The following AP1M1 variants were observed in gnomAD, a reference collection of about 807,000 sequenced individuals.
AP1M1 encodes AP-1 complex subunit mu-1.
AP1M1 carries 18 observed loss-of-function variants against 57.1 expected under a neutral mutation model. The ratio of observed to expected loss-of-function variants is 0.32; its 90% CI spans 0.22 to 0.47. The LOEUF is 0.47. AP1M1 is among the 20% of genes least tolerant of loss of function. The pLI is 1.00. For missense variants in AP1M1, 362 were observed against 593.5 expected (o/e 0.61, Z 4.05); for synonymous variants, 241 against 237.9 (o/e 1.01, Z -0.12).
In AP1M1 at chr19:16,197,989, A is replaced by ACCGCCCTCGGCCGCTGCCGCCGCCG. The variant is rs2091430931; in HGVS notation, c.-19_-18insCCGCCGCCGCCCTCGGCCGCTGCCG. The ACCGCCCTCGGCCGCTGCCGCCGCCG allele has an allele frequency of 6.5e-7, 1 of 1,545,512 alleles. No homozygotes were observed. The highest frequency in any genetic ancestry group is 1.2e-5 in the South Asian group (1 of 84,708). The stretch of plus-strand genomic sequence containing the variant: ...AGTCCCCACCGTCGCTGCCGCCGCC[A>ACCGCCCTCGGCCGCTGCCGCCGCCG]CCGCCCTCGGCCGCTGCCGAGGCCT... On this transcript the variant is annotated 5_prime_UTR_variant, in exon 1 of 12. Transcript: ENST00000291439.
intron 1 of AP1M1, among the ~76,000 whole-genome samples, chr19:16,202,366 C>T (rs756827365): frequency 6.6e-6 from 1 of 152,204 alleles, no homozygotes; most frequent in African/African-American, 2.4e-5. Context: ...GCAAAACTTC[C>T]GACCTCCTTT....
At position 16,213,382 on chromosome 19, in the gene AP1M1, G is replaced by C. The variant is rs982817711; in HGVS notation, c.546+4205G>C. 3.3e-5 allele frequency among the ~76,000 whole-genome samples: 5 copies of C among 152,206 alleles called. No homozygotes were observed. The East Asian group carries it at 7.7e-4, about 23-fold the overall frequency. ...TTTGATCTTTGTTGGCTTAAAGTCT[G>C]TTTTGTCTGAAATTAAGATTGCAAC... On this transcript the variant is annotated intron_variant, in intron 5 of 11. Transcript: ENST00000291439.
chr19:16,211,208 C>G (rs1049187145), intron 5 of AP1M1, among the ~76,000 whole-genome samples: 1 of 151,810 alleles, frequency 6.6e-6, no homozygotes, highest in African/African-American at 2.4e-5. Context: ...CTTCTCCAGC[C>G]TCAGCCTCCC....
intron 5 of AP1M1, among the ~76,000 whole-genome samples, chr19:16,211,776 A>G (rs1310440423): frequency 1.3e-5 from 2 of 151,976 alleles, no homozygotes; most frequent in African/African-American, 4.8e-5. Context: ...CAAAACCAAA[A>G]AACTCCAGTT....
In AP1M1 at chr19:16,227,838, G is replaced by A; in HGVS notation, c.816+148G>A. ...TGCAGAGATGGAGTCTGAGGACTTG[G>A]GACTCCGAGCTTTCTGAGGGGCACA... On this transcript the variant is annotated intron_variant, in intron 7 of 11. Transcript: ENST00000291439. The surrounding 1 kb of genome is among the most constrained non-coding windows in gnomAD (Gnocchi z 6.2). 9.0e-7 allele frequency: 1 copy of A among 1,107,368 alleles called. No homozygotes were observed. Among genetic ancestry groups the A allele is most frequent in the Non-Finnish European group, 1.3e-6 (1 of 768,400 alleles). The allele number at this position is 1,107,368 out of a possible 1,614,324, so 68.6% of individuals were successfully genotyped here.
rs1445652064 is a variant in AP1M1, at chr19:16,218,799, C to G, written c.547-7622C>G. On this transcript the variant is annotated intron_variant, in intron 5 of 11. Coordinates refer to ENST00000291439, the MANE Select transcript of AP1M1 (RefSeq NM_032493.4). ...AAGGGACCCAGAGCTTCCTTGCCCT[C>G]TCTGGACACACCACCCTCCAGGAAC... Among the ~76,000 whole-genome samples the G allele has an allele frequency of 5.9e-5, 9 of 152,278 alleles. No individual in the cohort carries two copies. The South Asian group carries it at 6.2e-4, about 11-fold the overall frequency.
At chr19:16,233,746 C>A in intron 10 of AP1M1, 128 bp downstream of exon 10, 1 of 1,280,230 alleles carries the variant, frequency 7.8e-7, no homozygotes. Context: ...CTGTGGGCCT[C>A]TGCCTCCCCA....
intron 5 of AP1M1, among the ~76,000 whole-genome samples, chr19:16,225,891 G>A (rs188512763): frequency 6.6e-6 from 1 of 152,274 alleles, no homozygotes; most frequent in East Asian, 1.9e-4. Flanking sequence ...TTCAAGAAAA[G>A]CAAGTCTGGC....
intron 5 of AP1M1, chr19:16,210,271 G>T: frequency 3.0e-6 from 2 of 667,338 alleles, no homozygotes; most frequent in Admixed American, 4.4e-5. Flanking sequence ...CATTTGGGTG[G>T]TTTTCCAATC....
At chr19:16,224,151 G>A (rs923812022) in intron 5 of AP1M1, among the ~76,000 whole-genome samples, 7 of 152,348 alleles carry the variant, frequency 4.6e-5, no homozygotes, top group Middle Eastern at 3.4e-3. Flanking sequence ...AGACCTCTTC[G>A]CTTTCTTACT....
intron 5 of AP1M1, among the ~76,000 whole-genome samples, chr19:16,214,498 C>T (rs974501819): frequency 1.3e-4 from 19 of 151,654 alleles, no homozygotes; most frequent in Admixed American, 3.9e-4. Flanking sequence ...ATTACAGGTA[C>T]CCACCACCAT....
chr19:16,226,785 C>A (rs2091573178), intron 6 of AP1M1: 2 of 477,806 alleles, frequency 4.2e-6, no homozygotes, highest in South Asian at 3.3e-5. Context: ...CCCGGCCTCA[C>A]ACGCCAGGTC....
In AP1M1 at chr19:16,199,521, G is replaced by A. The variant is rs151096628; in HGVS notation, c.42+1453G>A. Among the ~76,000 whole-genome samples the A allele has an allele frequency of 1.2e-4, 18 of 152,338 alleles. 1 individual carries two copies. The highest frequency in any genetic ancestry group is 1.0e-4 in the Non-Finnish European group (7 of 68,024). On this transcript the variant is annotated intron_variant, in intron 1 of 11. Transcript: ENST00000291439. ...TGAGAGAAACAAACATGGGTGTCAGGTCCTAGGTGAGGCGGGCAGGGGTGA... is the reference window on the plus strand; with the variant it reads ...TGAGAGAAACAAACATGGGTGTCAGATCCTAGGTGAGGCGGGCAGGGGTGA...
rs2091653637 is a variant in AP1M1 at position 16,243,829 on chromosome 19, G to C, written c.*9394G>C. 1 of 152,072 alleles carries C rather than the reference G, an allele frequency of 6.6e-6. No individual in the cohort carries two copies. The highest frequency in any genetic ancestry group is 2.1e-4 in the South Asian group (1 of 4,832). The allele number at this position is 152,072 out of a possible 1,614,324, so 9.4% of individuals were successfully genotyped here. A position where few individuals can be genotyped will look rare whatever the true frequency, so the allele number is the denominator to read the frequency against. On this transcript the variant is annotated 3_prime_UTR_variant, in exon 12 of 12. Coordinates refer to ENST00000291439, the MANE Select transcript of AP1M1 (RefSeq NM_032493.4). ...TAGTGGCACACGCCTGTAAATCCCA[G>C]CTACTCAGGAGGCTGAGGCCCAAGA...
chr19:16,223,223 C>A (rs2091553744), intron 5 of AP1M1, among the ~76,000 whole-genome samples: 1 of 152,346 alleles, frequency 6.6e-6, no homozygotes, highest in East Asian at 1.9e-4. Context: ...GTGCCATTTC[C>A]TGGTCAGATC....
Position 16,206,881 on chromosome 19 carries a change from G to A in AP1M1, c.267+473G>A, listed in dbSNP as rs989625918. On this transcript the variant is annotated intron_variant, in intron 3 of 11. Transcript: ENST00000291439. The surrounding 1 kb of genome is among the most constrained non-coding windows in gnomAD (Gnocchi z 4.3). ...CACAGATAGCAGCCAGGGTGAAGGC[G>A]CCAGGACAGGTGTATGTGTGGTGCA... 7.2e-5 allele frequency among the ~76,000 whole-genome samples: 11 copies of A among 152,150 alleles called. No homozygotes were observed. The highest frequency in any genetic ancestry group is 1.4e-4 in the African/African-American group (6 of 41,440).
chr19:16,213,724 C>A (rs2091505505), intron 5 of AP1M1, among the ~76,000 whole-genome samples: 1 of 152,184 alleles, frequency 6.6e-6, no homozygotes, highest in African/African-American at 2.4e-5. Flanking sequence ...AACTCCTGAC[C>A]TCAAGTGATC....
rs2091574542 is a variant in AP1M1 at position 16,227,087 on chromosome 19, T to C, written c.674-461T>C. The stretch of plus-strand genomic sequence containing the variant: ...CCCCCGTTCCTAGCCCGGTGAGGGC[T>C]TCTCGGGCATCAGTCTATCAGGGCA... On this transcript the variant is annotated intron_variant, in intron 6 of 11. Coordinates refer to ENST00000291439, the MANE Select transcript of AP1M1 (RefSeq NM_032493.4). This position sits in a 1 kb window ranked among gnomAD's most constrained non-coding sequence, Gnocchi z 6.2. Among the ~76,000 whole-genome samples the C allele has an allele frequency of 6.6e-6, 1 of 152,120 alleles. No homozygotes were observed. Among genetic ancestry groups the C allele is most frequent in the Admixed American group, 6.5e-5 (1 of 15,284 alleles).
At chr19:16,204,295 G>A (rs913400677) in intron 2 of AP1M1, among the ~76,000 whole-genome samples, 2 of 152,094 alleles carry the variant, frequency 1.3e-5, no homozygotes, top group Non-Finnish European at 2.9e-5. Flanking sequence ...GGGAGACTTG[G>A]CCAAGCCAGT....
Sources: gnomAD v4.1 joint callset for allele counts (sites outside exome capture counted in the v4.1 genomes callset) on GRCh38, gnomAD v4.1.1 for gene constraint, Gnocchi (gnomAD v3.1) non-coding constraint, MANE v1.5 for transcripts, NCBI Gene and HGNC (gene_info 2026-07-23, HGNC 2026-07-21) for gene names.